Variants in IQANK1 observed in about 807,000 individuals in gnomAD.
The protein encoded by IQANK1 is IQ motif and ankyrin repeat containing 1.
IQANK1 carries 30 observed loss-of-function variants against 22.6 expected under a neutral mutation model. The observed-to-expected ratio is 1.33, with a 90% CI of 0.99 to 1.80. IQANK1 has a LOEUF of 1.80. Among genes scored for constraint, IQANK1 ranks in the 40% most tolerant of loss-of-function variants. The probability of loss-of-function intolerance (pLI) is 0.00; values close to 1 mark genes in which losing one functional copy is unlikely to be tolerated. For synonymous variants in IQANK1, 122 were observed against 99.6 expected (o/e 1.23, Z -1.34); for missense variants, 275 against 235.2 (o/e 1.17, Z -1.11).
In IQANK1 at chr8:143,772,385, G is replaced by A. The variant is rs551295010; in HGVS notation, c.692G>A (p.Arg231His). ...GCTTTCGGTCCGACGCCGCTGTACC[G>A]TGCAGCCTTTGGGGGCCACCTGGCA... is the stretch of plus-strand genomic sequence containing the variant. ...KGAFGPTPLY[R>H]AAFGGHLAAV... is the part of the protein sequence containing the mutation. The change falls in exon 7 of 14, where the codon CGT (arginine) becomes CAT (histidine). Residue 231 changes from arginine (R) to histidine (H), a missense_variant. Transcript: ENST00000527139. 4.5e-5 allele frequency: 18 copies of A among 399,426 alleles called. No homozygotes were observed. The highest frequency in any genetic ancestry group is 2.7e-4 in the African/African-American group (13 of 48,764). The allele number at this position is 399,426 out of a possible 1,614,324, so 24.7% of individuals were successfully genotyped here.
intron 2 of IQANK1, 22 bp from the exon 3 acceptor site, chr8:143,739,837 A>C: frequency 1.5e-6 from 1 of 688,354 alleles, no homozygotes. Context: ...TCCCAAGCTC[A>C]CTGACGGTCG....
intron 3 of IQANK1, among the ~76,000 whole-genome samples, chr8:143,755,522 C>T (rs1332170976): frequency 3.9e-5 from 6 of 152,120 alleles, no homozygotes; most frequent in Admixed American, 3.9e-4. Context: ...TGCCACCATG[C>T]CAGGCTAATT....
chr8:143,747,734 G>A (rs1481111885), intron 3 of IQANK1, among the ~76,000 whole-genome samples: 1 of 151,930 alleles, frequency 6.6e-6, no homozygotes, highest in Non-Finnish European at 1.5e-5. Context: ...TCCCACTGTG[G>A]TCAGAGAAGA....
rs1563770412 is a variant in IQANK1, at chr8:143,748,784, T to TC, written c.175+8836_175+8837insC. Among the ~76,000 whole-genome samples the TC allele has an allele frequency of 3.7e-4, 19 of 51,328 alleles. No homozygotes were observed. The South Asian group carries it at 5.3e-3, about 14-fold the overall frequency. 33.7% of individuals were successfully genotyped at this position (51,328 alleles called of 152,430 possible). On this transcript the variant is annotated intron_variant, in intron 3 of 13. Transcript: ENST00000527139. ...ATATATATAATATATAAATATATCA[T>TC]ATATAAATATATAAATATATATCAT...
At chr8:143,784,384 C>T (rs1819849361) in intron 7 of IQANK1, among the ~76,000 whole-genome samples, 1 of 152,118 alleles carries the variant, frequency 6.6e-6, no homozygotes, top group Non-Finnish European at 1.5e-5. Context: ...TGCCTGCTTC[C>T]CCTTGGCCTT....
chr8:143,736,341 C>T (rs1055459335), intron 2 of IQANK1, among the ~76,000 whole-genome samples: 6 of 152,122 alleles, frequency 3.9e-5, no homozygotes, highest in Admixed American at 6.6e-5. Context: ...GACGGGGTTT[C>T]GCCACATTGA....
intron 3 of IQANK1, among the ~76,000 whole-genome samples, chr8:143,754,493 C>G (rs1277720293): frequency 6.6e-6 from 1 of 152,168 alleles, no homozygotes; most frequent in African/African-American, 2.4e-5. Flanking sequence ...GGCAGTTGGG[C>G]TGAGGGGCCC....
At chr8:143,738,117 G>A (rs782772107) in intron 2 of IQANK1, among the ~76,000 whole-genome samples, 3 of 152,266 alleles carry the variant, frequency 2.0e-5, no homozygotes, top group Non-Finnish European at 4.4e-5. Flanking sequence ...TCACCCTGAG[G>A]GCCCCCTGGG....
intron 2 of IQANK1, among the ~76,000 whole-genome samples, chr8:143,736,424 C>A (rs1311534032): frequency 6.6e-6 from 1 of 152,114 alleles, no homozygotes; most frequent in South Asian, 2.1e-4. Flanking sequence ...GGATTACAGG[C>A]TTGAGCCACA....
At position 143,735,914 on chromosome 8, in the gene IQANK1, G is replaced by C. The variant is rs1554625605; in HGVS notation, c.61G>C (p.Gly21Arg). Residue 21 changes from glycine (G) to arginine (R), a missense_variant, in exon 2 of 14, where the codon GGG becomes CGG. Transcript: ENST00000527139. This position sits in a 1 kb window ranked among gnomAD's most constrained non-coding sequence, Gnocchi z 5.2. Reference protein sequence around the residue: ...AAGKWQTLHPGPKTRAAAGKP... With the variant: ...AAGKWQTLHPRPKTRAAAGKP... ...TGGGAAGTGGCAGACGCTCCACCCTGGGCCCAAGACAAGAGCTGCTGCTGG... is the reference window on the plus strand; with the variant it reads ...TGGGAAGTGGCAGACGCTCCACCCTCGGCCCAAGACAAGAGCTGCTGCTGG... 2 of 702,574 alleles carry C rather than the reference G, an allele frequency of 2.8e-6. No individual in the cohort carries two copies. The highest frequency in any genetic ancestry group is 4.0e-5 in the Admixed American group (2 of 49,996). 43.5% of individuals were successfully genotyped at this position (702,574 alleles called of 1,614,324 possible).
chr8:143,743,667 C>T (rs1818969080), intron 3 of IQANK1, among the ~76,000 whole-genome samples: 1 of 152,212 alleles, frequency 6.6e-6, no homozygotes, highest in Admixed American at 6.5e-5. Flanking sequence ...GGACATTTAA[C>T]ACCAGAACAC....
At chr8:143,749,456 CAT>C (rs1301809485) in intron 3 of IQANK1, among the ~76,000 whole-genome samples, 9 of 127,822 alleles carry the variant, frequency 7.0e-5, no homozygotes, top group Admixed American at 1.7e-4. Context: ...TATTATATAT[CAT>C]ATATAATATA....
intron 7 of IQANK1, among the ~76,000 whole-genome samples, chr8:143,776,327 C>CAAAAAA (rs57571355): frequency 1.9e-5 from 2 of 105,680 alleles, no homozygotes; most frequent in African/African-American, 3.8e-5. Flanking sequence ...GACTCCGTCT[C>CAAAAAA]AAAAAAAAAA....
In IQANK1 at chr8:143,789,538, CG is replaced by C; in HGVS notation, c.1086+11del. On this transcript the variant is annotated intron_variant, in intron 10 of 13. Coordinates refer to ENST00000527139, the MANE Select transcript of IQANK1 (RefSeq NM_001381874.1). The stretch of plus-strand genomic sequence containing the variant: ...CAAGCTCACGCTGCAGGTGGGGGCC[CG>C]TGGTGGACTTGATATGCCCCTGCGT... 1.6e-6 allele frequency: 2 copies of C among 1,232,110 alleles called. No individual in the cohort carries two copies. Among genetic ancestry groups the C allele is most frequent in the South Asian group, 8.2e-5 (2 of 24,320 alleles). The allele number at this position is 1,232,110 out of a possible 1,614,324, so 76.3% of individuals were successfully genotyped here.
At chr8:143,736,141 ATT>A (rs555506417) in intron 2 of IQANK1, among the ~76,000 whole-genome samples, 14 of 137,020 alleles carry the variant, frequency 1.0e-4, no homozygotes, top group South Asian at 2.4e-4. Flanking sequence ...GCCTGAATCT[ATT>A]TTTTTTTTTT....
chr8:143,738,648 C>T (rs892408127), intron 2 of IQANK1, among the ~76,000 whole-genome samples: 42 of 152,344 alleles, frequency 2.8e-4, no homozygotes, highest in Admixed American at 7.8e-4. Context: ...GCCTGCTGTG[C>T]GCAGCAACGG....
chr8:143,736,733 C>G (rs1475706087), intron 2 of IQANK1, among the ~76,000 whole-genome samples: 3 of 152,152 alleles, frequency 2.0e-5, no homozygotes, highest in Non-Finnish European at 2.9e-5. Flanking sequence ...TGGATGGTGA[C>G]AGCTCACCTG....
chr8:143,787,733 G>C (rs747474532), intron 7 of IQANK1, among the ~76,000 whole-genome samples: 3 of 151,640 alleles, frequency 2.0e-5, no homozygotes, highest in South Asian at 2.1e-4. Context: ...GAACGCCGGC[G>C]GCTCACCCGC....
intron 7 of IQANK1, among the ~76,000 whole-genome samples, chr8:143,777,876 T>C (rs1819719297): frequency 6.6e-6 from 1 of 152,112 alleles, no homozygotes; most frequent in Non-Finnish European, 1.5e-5. Context: ...TCATTACACA[T>C]GGACATTCTA....
Sources: gnomAD v4.1 joint callset for allele counts (sites outside exome capture counted in the v4.1 genomes callset) on GRCh38, gnomAD v4.1.1 for gene constraint, Gnocchi (gnomAD v3.1) non-coding constraint, MANE v1.5 for transcripts, NCBI Gene and HGNC (gene_info 2026-07-23, HGNC 2026-07-21) for gene names.